Variants in PM20D2 observed in about 807,000 individuals in gnomAD.
PM20D2 encodes the protein peptidase M20 domain containing 2, also known as xaa-Arg dipeptidase.
In PM20D2, 33 loss-of-function variants were observed where a neutral mutation model predicts 42.9. The ratio of observed to expected loss-of-function variants is 0.77; its 90% CI spans 0.58 to 1.03. PM20D2 has a LOEUF of 1.03. Ranked by LOEUF, PM20D2 falls within the 50% of genes least tolerant of loss-of-function variation. The pLI, the probability that PM20D2 is intolerant of heterozygous loss-of-function variation, is 0.00. For synonymous variants in PM20D2, 250 were observed against 228.2 expected (o/e 1.10, Z -0.86); for missense variants, 548 against 557.0 (o/e 0.98, Z 0.16).
At position 89,162,408 on chromosome 6, in the gene PM20D2, TATTA is replaced by T. The variant is rs1253880084; in HGVS notation, c.*150_*153del. 1.2e-6 allele frequency: 1 copy of T among 834,136 alleles called. No individual in the cohort carries two copies. Among genetic ancestry groups the T allele is most frequent in the African/African-American group, 1.7e-5 (1 of 57,724 alleles). 51.7% of individuals were successfully genotyped at this position (834,136 alleles called of 1,614,324 possible). On this transcript the variant is annotated 3_prime_UTR_variant, in exon 7 of 7. Coordinates refer to ENST00000275072, the MANE Select transcript of PM20D2 (RefSeq NM_001010853.3). Reference sequence around the variant, plus strand: ...GTGAGGACAGGGTGTGGAGAAAACATATTAATTACCTCATATCTAAAGTGAAAAT... The same window carrying T: ...GTGAGGACAGGGTGTGGAGAAAACATATTACCTCATATCTAAAGTGAAAAT...
chr6:89,098,943 G>A, the PM20D2 span: 2 of 1,611,158 alleles, frequency 1.2e-6, no homozygotes, highest in South Asian at 1.1e-5. Context: ...CGCCTGTGTC[G>A]AGACCTGCAA....
At chr6:89,149,486 G>A in intron 2 of PM20D2, 73 bp downstream of exon 2, 2 of 1,493,508 alleles carry the variant, frequency 1.3e-6, no homozygotes, top group South Asian at 2.5e-5. Flanking sequence ...CTAAACCAGA[G>A]ACGAAAACTC....
the PM20D2 span, among the ~76,000 whole-genome samples, chr6:89,132,511 T>G: frequency 6.6e-6 from 1 of 151,360 alleles, no homozygotes; most frequent in Non-Finnish European, 1.5e-5. Context: ...TTGAAATTAA[T>G]TCAAAGTTTG....
At chr6:89,123,529 T>TGGGCAACATACGATACCTCA in the PM20D2 span, among the ~76,000 whole-genome samples, 1 of 150,500 alleles carries the variant, frequency 6.6e-6, no homozygotes, top group Non-Finnish European at 1.5e-5. Context: ...GAGACTAGTC[T>TGGGCAACATACGATACCTCA]GGGCAACATA....
the PM20D2 span, among the ~76,000 whole-genome samples, chr6:89,138,849 T>C: frequency 3.9e-5 from 6 of 152,106 alleles, no homozygotes; most frequent in Non-Finnish European, 5.9e-5. Context: ...TTGGTGACAG[T>C]GTGAGACTCT....
upstream of PM20D2, among the ~76,000 whole-genome samples, chr6:89,143,197 C>G (rs1420736339): frequency 6.6e-6 from 1 of 152,094 alleles, no homozygotes; most frequent in Non-Finnish European, 1.5e-5. Context: ...AGAATATAAA[C>G]CATACAAAAG....
In PM20D2 at chr6:89,163,066, C is replaced by T. The variant is rs987947871; in HGVS notation, c.*803C>T. On this transcript the variant is annotated 3_prime_UTR_variant, in exon 7 of 7. Coordinates refer to ENST00000275072, the MANE Select transcript of PM20D2 (RefSeq NM_001010853.3). Reference sequence around the variant, plus strand: ...ACAGGCATGAGCCACCGCACCCGGCCTGCCAGTGTCTTTTTAATACACATG... The same window carrying T: ...ACAGGCATGAGCCACCGCACCCGGCTTGCCAGTGTCTTTTTAATACACATG... The T allele has an allele frequency of 1.3e-5, 2 of 152,228 alleles. No individual in the cohort carries two copies. Among genetic ancestry groups the T allele is most frequent in the Non-Finnish European group, 1.5e-5 (1 of 68,066 alleles). 9.4% of individuals were successfully genotyped at this position (152,228 alleles called of 1,614,324 possible). A position where few individuals can be genotyped will look rare whatever the true frequency, so the allele number is the denominator to read the frequency against.
At chr6:89,152,933 C>A (rs1021701095) in intron 2 of PM20D2, 110 bp from the exon 3 acceptor site, 2 of 815,820 alleles carry the variant, frequency 2.5e-6, no homozygotes, top group Non-Finnish European at 3.6e-6. Flanking sequence ...AATCAAAAGT[C>A]CAGCAATGTG....
chr6:89,112,445 TTC>T, the PM20D2 span, among the ~76,000 whole-genome samples: 2 of 150,534 alleles, frequency 1.3e-5, no homozygotes, highest in Non-Finnish European at 1.5e-5. Flanking sequence ...TTTCTTTTCT[TTC>T]TTTTTTTTTT....
the PM20D2 span, among the ~76,000 whole-genome samples, chr6:89,094,490 G>A: frequency 1.3e-5 from 2 of 152,112 alleles, no homozygotes; most frequent in East Asian, 1.9e-4. Context: ...CTCCCAAAGT[G>A]CTGGGATTAC....
At position 89,162,103 on chromosome 6, in the gene PM20D2, T is replaced by C. The variant is rs371282487; in HGVS notation, c.1157-6T>C. On this transcript the variant is annotated splice_polypyrimidine_tract_variant and splice_region_variant and intron_variant, in intron 6 of 6. Transcript: ENST00000275072. ...AAGGAGGTATTTTATTTTCTCTACC[T>C]TTTAGGGTCACAGGAAGCTCAGTTC... 1.3e-5 allele frequency: 21 copies of C among 1,599,942 alleles called. No individual in the cohort carries two copies. The highest frequency in any genetic ancestry group is 1.7e-4 in the Middle Eastern group (1 of 5,988).
At chr6:89,133,039 A>G in the PM20D2 span, among the ~76,000 whole-genome samples, 1 of 150,754 alleles carries the variant, frequency 6.6e-6, no homozygotes, top group Admixed American at 6.6e-5. Context: ...CTTAGGCAAC[A>G]TAGTGAGACC....
At chr6:89,154,436 T>C (rs1375247772) in intron 3 of PM20D2, among the ~76,000 whole-genome samples, 2 of 152,192 alleles carry the variant, frequency 1.3e-5, no homozygotes, top group Non-Finnish European at 2.9e-5. Flanking sequence ...AAGATGTTAC[T>C]AATTTTTTTT....
At chr6:89,117,873 C>A in the PM20D2 span, 6 of 1,562,562 alleles carry the variant, frequency 3.8e-6, no homozygotes, top group African/African-American at 7.1e-5. Context: ...TGGGGGGCCT[C>A]GTGTAGCGAG....
At chr6:89,106,184 G>C in the PM20D2 span, among the ~76,000 whole-genome samples, 1 of 152,056 alleles carries the variant, frequency 6.6e-6, no homozygotes, top group Admixed American at 6.6e-5. Flanking sequence ...GCAATGGCGC[G>C]ATCTCAGCTC....
chr6:89,112,761 T>C, the PM20D2 span, among the ~76,000 whole-genome samples: 1 of 152,202 alleles, frequency 6.6e-6, no homozygotes. Context: ...TTTTTTAATA[T>C]AGTTATGCAC....
chr6:89,101,109 C>CAA, the PM20D2 span, among the ~76,000 whole-genome samples: 10 of 54,636 alleles, frequency 1.8e-4, no homozygotes, highest in African/African-American at 4.4e-4. Flanking sequence ...ACCTCCAAGA[C>CAA]AAAAAAAAAA....
At chr6:89,099,445 T>TATATGTGTGTATATATACAC in the PM20D2 span, among the ~76,000 whole-genome samples, 1 of 91,332 alleles carries the variant, frequency 1.1e-5, no homozygotes, top group Non-Finnish European at 2.3e-5. Flanking sequence ...TATATACACA[T>TATATGTGTGTATATATACAC]ATATATGTGT....
chr6:89,094,541 T>A, the PM20D2 span, among the ~76,000 whole-genome samples: 147 of 152,288 alleles, frequency 9.7e-4, 1 homozygote, highest in African/African-American at 3.4e-3. Flanking sequence ...TTTTAATTTG[T>A]AACCTATTTA....
Sources: gnomAD v4.1 joint callset for allele counts (sites outside exome capture counted in the v4.1 genomes callset) on GRCh38, gnomAD v4.1.1 for gene constraint, MANE v1.5 for transcripts, NCBI Gene and HGNC (gene_info 2026-07-23, HGNC 2026-07-21) for gene names.